PPP3R1: variants seen among roughly 807,000 people sequenced by gnomAD.
PPP3R1 encodes protein phosphatase 3 regulatory subunit B, alpha.
A neutral mutation model predicts 22.6 loss-of-function variants in PPP3R1; 5 were observed. That is an observed-to-expected ratio of 0.22 (90% CI 0.12 to 0.46). PPP3R1 has a LOEUF of 0.46. Among genes scored for constraint, PPP3R1 ranks in the 20% least tolerant of loss-of-function variants. The pLI, the probability that PPP3R1 is intolerant of heterozygous loss-of-function variation, is 0.99. For missense variants in PPP3R1, 61 were observed against 203.2 expected, an observed-to-expected ratio of 0.30 and a Z score of 4.25; for synonymous variants, 56 against 65.2, an observed-to-expected ratio of 0.86 and a Z score of 0.68.
At position 68,230,748 on chromosome 2, in the gene PPP3R1, C is replaced by T. The variant is rs571485401; in HGVS notation, c.4-13617G>A. On this transcript the variant is annotated intron_variant, in intron 1 of 5. Transcript: ENST00000234310. ...TTTTCCTTCATATGTCTTGATTTCC[C>T]TTTCATTCCAGAAGGGTGTTTTCTC... Among the ~76,000 whole-genome samples the T allele has an allele frequency of 4.6e-5, 7 of 152,272 alleles. No homozygotes were observed. The East Asian group carries it at 1.4e-3, about 29-fold the overall frequency.
intron 1 of PPP3R1, chr2:68,251,133 G>A (rs1400716641): frequency 6.6e-6 from 1 of 152,172 alleles, no homozygotes; most frequent in Non-Finnish European, 1.5e-5. Context: ...TGATTACAAA[G>A]AGGAAACTAA....
intron 1 of PPP3R1, among the ~76,000 whole-genome samples, chr2:68,224,904 A>G (rs1241505422): frequency 6.6e-6 from 1 of 152,226 alleles, no homozygotes; most frequent in African/African-American, 2.4e-5. Flanking sequence ...ACAACAAAAG[A>G]TATGATTAAC....
chr2:68,235,375 C>A (rs766247518), intron 1 of PPP3R1, among the ~76,000 whole-genome samples: 1 of 152,140 alleles, frequency 6.6e-6, no homozygotes, highest in African/African-American at 2.4e-5. Context: ...CCCAACTCCC[C>A]CTCAGGCCAG....
At chr2:68,198,107 T>C (rs1253256423) in intron 2 of PPP3R1, among the ~76,000 whole-genome samples, 1 of 106,316 alleles carries the variant, frequency 9.4e-6, no homozygotes, top group East Asian at 3.1e-4. Flanking sequence ...TATGTAAACA[T>C]ATATATGTAA....
intron 2 of PPP3R1, among the ~76,000 whole-genome samples, chr2:68,202,792 A>T (rs1364834901): frequency 3.4e-4 from 28 of 81,196 alleles, no homozygotes; most frequent in South Asian, 8.9e-4. Flanking sequence ...AGTTCAGGGA[A>T]TTTTTTTTTT....
At chr2:68,218,546 A>C (rs920745566) in intron 1 of PPP3R1, among the ~76,000 whole-genome samples, 1 of 152,068 alleles carries the variant, frequency 6.6e-6, no homozygotes, top group Non-Finnish European at 1.5e-5. Flanking sequence ...CACATTACTT[A>C]ATTGATCTTA....
chr2:68,238,642 T>C (rs1269672941), intron 1 of PPP3R1, among the ~76,000 whole-genome samples: 3 of 151,938 alleles, frequency 2.0e-5, no homozygotes, highest in Non-Finnish European at 2.9e-5. Flanking sequence ...CTCATGGCAA[T>C]AGGTAAGGCA....
Position 68,200,625 on chromosome 2 carries a change from G to A in PPP3R1, c.44-11935C>T, listed in dbSNP as rs116461681. 6.7e-3 allele frequency among the ~76,000 whole-genome samples: 1,025 copies of A among 152,240 alleles called. 11 individuals are homozygous for A. Among genetic ancestry groups the A allele is most frequent in the African/African-American group, 0.024 (981 of 41,534 alleles). On this transcript the variant is annotated intron_variant, in intron 2 of 5. Coordinates refer to ENST00000234310, the MANE Select transcript of PPP3R1 (RefSeq NM_000945.4). The stretch of plus-strand genomic sequence containing the variant: ...ATAAAGCTTGATGACAAAGTGAGGT[G>A]ACTGGGATTTCTTGAAATACTTTCT...
At chr2:68,209,181 A>AC (rs1304754136) in intron 2 of PPP3R1, among the ~76,000 whole-genome samples, 1 of 148,764 alleles carries the variant, frequency 6.7e-6, no homozygotes, top group Non-Finnish European at 1.5e-5. Flanking sequence ...AAACGGTGAA[A>AC]CCCCGTCTCT....
At chr2:68,198,184 T>C (rs970020225) in intron 2 of PPP3R1, among the ~76,000 whole-genome samples, 2 of 143,314 alleles carry the variant, frequency 1.4e-5, no homozygotes, top group South Asian at 2.1e-4. Flanking sequence ...CATGTATATA[T>C]AATATATATT....
In PPP3R1 at chr2:68,212,739, AG is replaced by A. The variant is rs201804537; in HGVS notation, c.43+4352del. 9.5e-3 allele frequency among the ~76,000 whole-genome samples: 1,446 copies of A among 152,350 alleles called. 24 individuals are homozygous for A. The highest frequency in any genetic ancestry group is 0.033 in the African/African-American group (1,362 of 41,578). On this transcript the variant is annotated intron_variant, in intron 2 of 5. Coordinates refer to ENST00000234310, the MANE Select transcript of PPP3R1 (RefSeq NM_000945.4). ...CTTTGTTGTTCCATTTAGAGAGCAC[AG>A]GAGAGGAAATTTAGCATAATTCTTA...
intron 2 of PPP3R1, among the ~76,000 whole-genome samples, chr2:68,202,230 ACTAG>A (rs911621021): frequency 6.6e-6 from 1 of 152,200 alleles, no homozygotes; most frequent in Non-Finnish European, 1.5e-5. Flanking sequence ...AGACTTTTTC[ACTAG>A]CTAAAGTAAC....
chr2:68,205,714 T>C (rs979598553), intron 2 of PPP3R1, among the ~76,000 whole-genome samples: 2 of 152,286 alleles, frequency 1.3e-5, no homozygotes, highest in Non-Finnish European at 1.5e-5. Flanking sequence ...GTTGATAAAA[T>C]GAAGATGACC....
intron 1 of PPP3R1, among the ~76,000 whole-genome samples, chr2:68,223,370 T>G (rs1669723781): frequency 6.6e-6 from 1 of 152,222 alleles, no homozygotes; most frequent in Non-Finnish European, 1.5e-5. Context: ...CACTCTAGCC[T>G]AGGCAACAGT....
At chr2:68,245,634 C>T (rs1164346719) in intron 1 of PPP3R1, among the ~76,000 whole-genome samples, 1 of 152,108 alleles carries the variant, frequency 6.6e-6, no homozygotes, top group African/African-American at 2.4e-5. Context: ...TTTAAAATGC[C>T]TCCATTTTTA....
chr2:68,193,411 A>T (rs2103730368), intron 2 of PPP3R1, among the ~76,000 whole-genome samples: 1 of 152,210 alleles, frequency 6.6e-6, no homozygotes, highest in South Asian at 2.1e-4. Context: ...GATTACGATG[A>T]TGAGTAAGAT....
chr2:68,209,218 G>A (rs1572962379), intron 2 of PPP3R1, among the ~76,000 whole-genome samples: 1 of 149,372 alleles, frequency 6.7e-6, no homozygotes, highest in African/African-American at 2.5e-5. Flanking sequence ...AATTAGCCGG[G>A]CGTAGTGGCG....
chr2:68,228,481 A>G (rs1296982966), intron 1 of PPP3R1, among the ~76,000 whole-genome samples: 2 of 152,208 alleles, frequency 1.3e-5, no homozygotes, highest in African/African-American at 4.8e-5. Flanking sequence ...AATTGGTCAT[A>G]GTAACCCCTT....
chr2:68,238,076 A>G (rs1670050359), intron 1 of PPP3R1, among the ~76,000 whole-genome samples: 1 of 152,144 alleles, frequency 6.6e-6, no homozygotes, highest in African/African-American at 2.4e-5. Context: ...TTTGTGCCTA[A>G]CACACTGGGG....
Sources: gnomAD v4.1 joint callset for allele counts (sites outside exome capture counted in the v4.1 genomes callset) on GRCh38, gnomAD v4.1.1 for gene constraint, MANE v1.5 for transcripts, NCBI Gene and HGNC (gene_info 2026-07-23, HGNC 2026-07-21) for gene names.